Variants in GLIS3 observed in about 807,000 individuals in gnomAD.
GLIS3 encodes GLIS family zinc finger 3.
A neutral mutation model predicts 78.6 loss-of-function variants in GLIS3; 53 were observed. That is an observed-to-expected ratio of 0.67 (90% CI 0.54 to 0.85). The LOEUF (loss-of-function observed/expected upper bound fraction) is 0.85. GLIS3 is among the 40% of genes least tolerant of loss of function. The pLI is 0.00. For missense variants in GLIS3, 1,703 were observed against 1,231.1 expected (o/e 1.38, Z -5.74); for synonymous variants, 684 against 509.9 (o/e 1.34, Z -4.60).
chr9:4,082,958 T>C (rs1828685897), intron 4 of GLIS3, among the ~76,000 whole-genome samples: 1 of 152,206 alleles, frequency 6.6e-6, no homozygotes, highest in African/African-American at 2.4e-5. Context: ...TTTAGATGGG[T>C]AACTAGCTGT....
intron 2 of GLIS3, among the ~76,000 whole-genome samples, chr9:4,221,444 G>A (rs112925665): frequency 2.3e-4 from 35 of 152,284 alleles, no homozygotes; most frequent in African/African-American, 7.9e-4. Context: ...CAAAACACAT[G>A]TATCATGCAG....
chr9:4,282,239 A>G (rs1407379889), intron 2 of GLIS3, among the ~76,000 whole-genome samples: 2 of 152,206 alleles, frequency 1.3e-5, no homozygotes, highest in East Asian at 3.8e-4. Flanking sequence ...CCCCAAAGCA[A>G]TGATACTGCT....
chr9:3,955,680 T>C (rs768706948), intron 4 of GLIS3, among the ~76,000 whole-genome samples: 5 of 152,058 alleles, frequency 3.3e-5, no homozygotes, highest in Non-Finnish European at 5.9e-5. Context: ...GCATGAAAAG[T>C]AGCAAAATGT....
chr9:4,413,926 A>G, the GLIS3 span, among the ~76,000 whole-genome samples: 1 of 152,200 alleles, frequency 6.6e-6, no homozygotes, highest in African/African-American at 2.4e-5. Context: ...AGCTTATGGA[A>G]TTTAACTATA....
At chr9:4,359,579 GT>G in the GLIS3 span, among the ~76,000 whole-genome samples, 2 of 152,126 alleles carry the variant, frequency 1.3e-5, no homozygotes, top group Non-Finnish European at 2.9e-5. Flanking sequence ...CCCACTAAAT[GT>G]TTTATTTAAT....
chr9:4,277,748 T>C (rs1827159006), intron 2 of GLIS3, among the ~76,000 whole-genome samples: 1 of 152,188 alleles, frequency 6.6e-6, no homozygotes. Flanking sequence ...AATGTAAAAT[T>C]GTCTTAAATA....
At chr9:4,229,687 T>C (rs1161613766) in intron 2 of GLIS3, among the ~76,000 whole-genome samples, 4 of 152,232 alleles carry the variant, frequency 2.6e-5, no homozygotes, top group Non-Finnish European at 5.9e-5. Flanking sequence ...TTTATTACAA[T>C]ATTACTTCTT....
the GLIS3 span, among the ~76,000 whole-genome samples, chr9:4,406,471 C>T: frequency 6.6e-6 from 1 of 152,158 alleles, no homozygotes; most frequent in Non-Finnish European, 1.5e-5. Context: ...CAGGCACCCA[C>T]CACCAGGCCT....
chr9:4,414,167 G>C, the GLIS3 span, among the ~76,000 whole-genome samples: 112 of 152,250 alleles, frequency 7.4e-4, no homozygotes, highest in Non-Finnish European at 1.2e-3. Context: ...AGAATTGAGA[G>C]TCAAAAGGAT....
Position 4,281,685 on chromosome 9 carries a change from C to T in GLIS3, c.388+4353G>A, listed in dbSNP as rs9697225. 1.9e-4 allele frequency among the ~76,000 whole-genome samples: 29 copies of T among 152,246 alleles called. 2 individuals carry two copies. Among genetic ancestry groups the T allele is most frequent in the African/African-American group, 7.0e-4 (29 of 41,538 alleles). Reference sequence around the variant, plus strand: ...ACATTGGGTTGTTTCTTCCTTTTGGCTATCATAAATAATGCTGCTGTGGAC... The same window carrying T: ...ACATTGGGTTGTTTCTTCCTTTTGGTTATCATAAATAATGCTGCTGTGGAC... On this transcript the variant is annotated intron_variant, in intron 2 of 10. Coordinates refer to ENST00000381971, the MANE Select transcript of GLIS3 (RefSeq NM_001042413.2).
the GLIS3 span, among the ~76,000 whole-genome samples, chr9:4,454,821 T>A: frequency 4.4e-3 from 663 of 152,324 alleles, 3 homozygotes; most frequent in African/African-American, 0.014. Context: ...GTGATACATT[T>A]CTTTACTGGC....
intron 2 of GLIS3, among the ~76,000 whole-genome samples, chr9:4,274,317 C>G (rs1359768713): frequency 6.6e-6 from 1 of 152,102 alleles, no homozygotes; most frequent in Non-Finnish European, 1.5e-5. Context: ...AAAGCTTTTT[C>G]CTTTCTTCTT....
intron 4 of GLIS3, among the ~76,000 whole-genome samples, chr9:4,066,924 C>T (rs963751036): frequency 2.6e-5 from 4 of 152,096 alleles, no homozygotes; most frequent in African/African-American, 9.7e-5. Flanking sequence ...CTCACTGACA[C>T]CCAGGCAGGG....
chr9:4,102,497 C>G (rs1830444513), intron 4 of GLIS3, among the ~76,000 whole-genome samples: 1 of 152,138 alleles, frequency 6.6e-6, no homozygotes, highest in Non-Finnish European at 1.5e-5. Flanking sequence ...ACAGCAATGC[C>G]TGAAGACATG....
chr9:4,460,366 T>A, the GLIS3 span, among the ~76,000 whole-genome samples: 14 of 152,202 alleles, frequency 9.2e-5, no homozygotes, highest in South Asian at 2.9e-3. Context: ...AACAAGAAAA[T>A]GTAGTGAATG....
At chr9:4,297,521 G>C (rs955634585) in intron 1 of GLIS3, among the ~76,000 whole-genome samples, 1 of 152,292 alleles carries the variant, frequency 6.6e-6, no homozygotes, top group South Asian at 2.1e-4. Context: ...GGGCCCTGGG[G>C]CCCCAACTCT....
chr9:3,980,689 C>T (rs1819190910), intron 4 of GLIS3, among the ~76,000 whole-genome samples: 1 of 152,134 alleles, frequency 6.6e-6, no homozygotes, highest in Non-Finnish European at 1.5e-5. Flanking sequence ...TCAAAAAGTG[C>T]AGGTAGTTCT....
chr9:3,938,507 T>C (rs994496426), intron 4 of GLIS3, among the ~76,000 whole-genome samples: 1 of 152,166 alleles, frequency 6.6e-6, no homozygotes, highest in Non-Finnish European at 1.5e-5. Flanking sequence ...GGAATTTTCA[T>C]CTTTAAATAA....
chr9:4,228,305 C>T (rs945929065), intron 2 of GLIS3, among the ~76,000 whole-genome samples: 1 of 151,232 alleles, frequency 6.6e-6, no homozygotes, highest in Non-Finnish European at 1.5e-5. Flanking sequence ...CTAGGCACAA[C>T]TGACAAGGGA....
Sources: gnomAD v4.1 joint callset for allele counts (sites outside exome capture counted in the v4.1 genomes callset) on GRCh38, gnomAD v4.1.1 for gene constraint, MANE v1.5 for transcripts, NCBI Gene and HGNC (gene_info 2026-07-23, HGNC 2026-07-21) for gene names.